ING5: variants seen among roughly 807,000 people sequenced by gnomAD.
The protein encoded by ING5 is inhibitor of growth family member 5, also known as inhibitor of growth protein 5.
In ING5, 17 loss-of-function variants were observed where a neutral mutation model predicts 37.4. The observed-to-expected ratio is 0.45, with a 90% CI of 0.31 to 0.68. ING5 has a LOEUF of 0.68. ING5 is among the 30% of genes least tolerant of loss of function. ING5 has a pLI of 0.05. For missense variants in ING5, 233 were observed against 311.9 expected (o/e 0.75, Z 1.91); for synonymous variants, 123 against 116.6 (o/e 1.06, Z -0.36).
Position 241,712,041 on chromosome 2 carries a change from A to ACACACAAAG in ING5, c.457_458insAAAGCACAC (p.Thr152_Pro153insGlnSerThr). 3.1e-6 allele frequency: 5 copies of ACACACAAAG among 1,612,544 alleles called. No individual in the cohort carries two copies. The highest frequency in any genetic ancestry group is 4.2e-6 in the Non-Finnish European group (5 of 1,179,304). ...CGAGGCAGGAGGACATCAGAGGAAGACACACCAAAGAAAAAGAAGCACAAA... is the reference window on the plus strand; with the variant it reads ...CGAGGCAGGAGGACATCAGAGGAAGACACACAAAGCACACCAAAGAAAAAGAAGCACAAA... On this transcript the variant is annotated inframe_insertion, in exon 5 of 8. Coordinates refer to ENST00000313552, the MANE Select transcript of ING5 (RefSeq NM_032329.6).
intron 5 of ING5, among the ~76,000 whole-genome samples, chr2:241,716,269 T>G (rs1381057661): frequency 2.7e-5 from 4 of 150,502 alleles, no homozygotes; most frequent in Non-Finnish European, 5.9e-5. Flanking sequence ...CACTCTTGTC[T>G]TATTAGCCAT....
In ING5 at chr2:241,728,738, C is replaced by T. The variant is rs1691714696; in HGVS notation, c.*3707C>T. ...ATGAGACCACTGTTGGCCAGGGACGCCGTGCGGAGGCCTACGTGGCTGCCT... is the reference window on the plus strand; with the variant it reads ...ATGAGACCACTGTTGGCCAGGGACGTCGTGCGGAGGCCTACGTGGCTGCCT... On this transcript the variant is annotated 3_prime_UTR_variant, in exon 8 of 8. Coordinates refer to ENST00000313552, the MANE Select transcript of ING5 (RefSeq NM_032329.6). The T allele has an allele frequency of 6.6e-6, 1 of 152,272 alleles. No individual in the cohort carries two copies. The highest frequency in any genetic ancestry group is 2.1e-4 in the South Asian group (1 of 4,836). The allele number at this position is 152,272 out of a possible 1,614,324, so 9.4% of individuals were successfully genotyped here. A position where few individuals can be genotyped will look rare whatever the true frequency, so the allele number is the denominator to read the frequency against.
At chr2:241,700,421 T>G (rs2069698481), upstream of ING5, among the ~76,000 whole-genome samples, 1 of 151,886 alleles carries the variant, frequency 6.6e-6, no homozygotes, top group Non-Finnish European at 1.5e-5. Context: ...CCTCCCAAAG[T>G]GCTGGAATTA....
chr2:241,704,594 GA>G lies in ING5; in HGVS notation c.38-58del, dbSNP rs1319082220. On this transcript the variant is annotated intron_variant, in intron 1 of 7. Transcript: ENST00000313552. ...AAAAAAAAAAGACAGAAAACCTTTGGAGGTGAATTTTTGTCTTGCTGCTGAG... is the reference window on the plus strand; with the variant it reads ...AAAAAAAAAAGACAGAAAACCTTTGGGGTGAATTTTTGTCTTGCTGCTGAG... The G allele has an allele frequency of 3.0e-6, 4 of 1,348,432 alleles. No homozygotes were observed. The African/African-American group carries it at 5.7e-5, about 19-fold the overall frequency. 83.5% of individuals were successfully genotyped at this position (1,348,432 alleles called of 1,614,324 possible).
intron 2 of ING5, among the ~76,000 whole-genome samples, chr2:241,693,252 C>CA (rs748452347): frequency 0.021 from 1,222 of 58,820 alleles, 40 homozygotes; most frequent in African/African-American, 0.046. Flanking sequence ...GAGACTGTCT[C>CA]AAAAAAAAAA....
exon 1 of ING5, chr2:241,687,309 C>T (rs1372751898): frequency 1.3e-5 from 5 of 398,514 alleles, no homozygotes; most frequent in Non-Finnish European, 2.2e-5. Flanking sequence ...AAGCGCGGGG[C>T]CCAGTGCAGG....
intron 1 of ING5, among the ~76,000 whole-genome samples, 189 bp from the exon 2 acceptor site, chr2:241,704,464 A>G (rs1386240263): frequency 6.6e-6 from 1 of 152,110 alleles, no homozygotes; most frequent in Non-Finnish European, 1.5e-5. Context: ...GCTACTCAGG[A>G]GGCGGAGGCG....
In ING5 at chr2:241,720,758, G is replaced by A. The variant is rs536233833; in HGVS notation, c.483-2181G>A. The A allele has an allele frequency of 4.8e-5, 47 of 985,542 alleles. No individual in the cohort carries two copies. The South Asian group carries it at 1.7e-3, about 35-fold the overall frequency. The allele number at this position is 985,542 out of a possible 1,614,324, so 61.0% of individuals were successfully genotyped here. A position where few individuals can be genotyped will look rare whatever the true frequency, so the allele number is the denominator to read the frequency against. On this transcript the variant is annotated intron_variant, in intron 5 of 7. Transcript: ENST00000313552. The stretch of plus-strand genomic sequence containing the variant: ...TCTTGTGGCAGTGGTGCTGAAGGGA[G>A]TCAGCAGCCGCTGACAGTTGGGGTC...
chr2:241,724,847 C>T lies in ING5; in HGVS notation c.681-142C>T, dbSNP rs868085499. 2.8e-5 allele frequency: 21 copies of T among 748,440 alleles called. No individual in the cohort carries two copies. In the African/African-American group the frequency reaches 3.0e-4, roughly 11 times the overall value. The allele number at this position is 748,440 out of a possible 1,614,324, so 46.4% of individuals were successfully genotyped here. On this transcript the variant is annotated intron_variant, in intron 7 of 7. Coordinates refer to ENST00000313552, the MANE Select transcript of ING5 (RefSeq NM_032329.6). Reference sequence around the variant, plus strand: ...CGGCGCATTTTCCCTGCGGGAGGGCCGCGGCCCCACTGCGTGTGCCTCTCC... The same window carrying T: ...CGGCGCATTTTCCCTGCGGGAGGGCTGCGGCCCCACTGCGTGTGCCTCTCC...
intron 7 of ING5, chr2:241,724,683 CACCAGCG>C: frequency 8.9e-6 from 4 of 450,174 alleles, no homozygotes; most frequent in Non-Finnish European, 1.6e-5. Context: ...AGACAGAGGG[CACCAGCG>C]ACCCTGCCAT....
intron 4 of ING5, 167 bp downstream of exon 4, chr2:241,711,655 C>T: frequency 1.6e-6 from 1 of 606,204 alleles, no homozygotes; most frequent in Non-Finnish European, 2.8e-6. Flanking sequence ...AACCCCAGCA[C>T]TTTGGGAGGC....
chr2:241,723,168 AC>A (rs763548111), intron 6 of ING5, 41 bp from the exon 7 acceptor site: 6 of 1,613,770 alleles, frequency 3.7e-6, no homozygotes, highest in Non-Finnish European at 5.1e-6. Flanking sequence ...TGCATACAGA[AC>A]ATGAGGCGTG....
At chr2:241,717,237 A>C (rs1310505362) in intron 5 of ING5, among the ~76,000 whole-genome samples, 1 of 151,800 alleles carries the variant, frequency 6.6e-6, no homozygotes. Context: ...CACCTGGTTA[A>C]TTTTTGTATT....
chr2:241,701,924 GA>G, upstream of ING5: 1 of 369,906 alleles, frequency 2.7e-6, no homozygotes, highest in Non-Finnish European at 4.5e-6. Flanking sequence ...GCCGGAAGCT[GA>G]AAGGCGTGTC....
chr2:241,710,213 T>A (rs2070065360), intron 3 of ING5, among the ~76,000 whole-genome samples: 1 of 152,036 alleles, frequency 6.6e-6, no homozygotes, highest in Non-Finnish European at 1.5e-5. Flanking sequence ...TTCAAGCAAT[T>A]CTCCTGCCTC....
At chr2:241,714,447 T>G (rs2124925419) in intron 5 of ING5, among the ~76,000 whole-genome samples, 1 of 152,330 alleles carries the variant, frequency 6.6e-6, no homozygotes, top group South Asian at 2.1e-4. Context: ...TCTGTGTCTT[T>G]CAAGAAATTT....
chr2:241,718,285 CTTCT>C (rs1158213239), intron 5 of ING5, among the ~76,000 whole-genome samples: 6 of 151,224 alleles, frequency 4.0e-5, no homozygotes, highest in Non-Finnish European at 7.4e-5. Flanking sequence ...CTTCCCTTTC[CTTCT>C]TTCTTTCCTT....
intron 1 of ING5, among the ~76,000 whole-genome samples, chr2:241,688,645 A>T (rs2069493094): frequency 6.6e-6 from 1 of 152,042 alleles, no homozygotes. Context: ...TTTATTTGAG[A>T]CGGAGTCCTG....
chr2:241,694,299 C>T (rs1287466790), intron 2 of ING5: 10 of 151,642 alleles, frequency 6.6e-5, no homozygotes, highest in Non-Finnish European at 1.3e-4. Flanking sequence ...AAAAATTAGC[C>T]CGGCGTGGTG....
Sources: allele counts gnomAD v4.1 joint callset (sites outside exome capture counted in the v4.1 genomes callset), GRCh38; gene constraint gnomAD v4.1.1; transcripts MANE v1.5; gene names NCBI Gene and HGNC (gene_info 2026-07-23, HGNC 2026-07-21).